Variants in PLEKHA7 observed in about 807,000 individuals in gnomAD.
PLEKHA7 encodes the protein pleckstrin homology domain containing A7, also known as pleckstrin homology domain-containing family A member 7.
PLEKHA7 carries 104 observed loss-of-function variants against 170.0 expected under a neutral mutation model. That is an observed-to-expected ratio of 0.61 (90% CI 0.52 to 0.72). The LOEUF (loss-of-function observed/expected upper bound fraction) is 0.72, where lower values mean the gene tolerates loss of function less well. Ranked by LOEUF, PLEKHA7 falls within the 30% of genes least tolerant of loss-of-function variation. The pLI is 0.00. For synonymous variants in PLEKHA7, 648 were observed against 660.8 expected, an observed-to-expected ratio of 0.98 and a Z score of 0.30; for missense variants, 1,615 against 1,671.7, an observed-to-expected ratio of 0.97 and a Z score of 0.59.
rs1848764358 is a variant in PLEKHA7, at chr11:16,777,631, AAT to A, written c.*1365_*1366del. The A allele has an allele frequency of 6.6e-6, 1 of 152,244 alleles. No individual in the cohort carries two copies. The highest frequency in any genetic ancestry group is 1.5e-5 in the Non-Finnish European group (1 of 68,048). The allele number at this position is 152,244 out of a possible 1,614,324, so 9.4% of individuals were successfully genotyped here. On this transcript the variant is annotated 3_prime_UTR_variant, in exon 27 of 27. Coordinates refer to ENST00000531066, the MANE Select transcript of PLEKHA7 (RefSeq NM_001329630.2). The stretch of plus-strand genomic sequence containing the variant: ...AAACGTCATTGTTTATATGCAGAAT[AAT>A]ATAAGAAAACAACTTAAATAAAGGG...
chr11:16,959,136 C>T (rs868380541), intron 3 of PLEKHA7, among the ~76,000 whole-genome samples: 24 of 152,192 alleles, frequency 1.6e-4, no homozygotes, highest in Middle Eastern at 3.4e-3. Context: ...GTGTTACATA[C>T]GTAAACACAT....
At chr11:16,936,176 C>T (rs1057113319) in intron 3 of PLEKHA7, among the ~76,000 whole-genome samples, 2 of 151,706 alleles carry the variant, frequency 1.3e-5, no homozygotes, top group East Asian at 1.9e-4. Context: ...CCGAGGTGGG[C>T]GGATCACAGG....
intron 8 of PLEKHA7, among the ~76,000 whole-genome samples, chr11:16,847,842 CAAAAAAAAAAA>C (rs35191685): frequency 4.9e-5 from 5 of 101,466 alleles, no homozygotes; most frequent in African/African-American, 1.8e-4. Context: ...AATTCTGTCT[CAAAAAAAAAAA>C]AAAAAAAAAA....
chr11:16,805,700 G>A (rs1848922247), intron 13 of PLEKHA7, among the ~76,000 whole-genome samples: 1 of 149,072 alleles, frequency 6.7e-6, no homozygotes, highest in Non-Finnish European at 1.5e-5. Flanking sequence ...TGAGGCAGGA[G>A]AATCTCTTGA....
rs1848737640 is a variant in PLEKHA7, at chr11:16,803,419, T to C, written c.2008-124A>G. Reference sequence around the variant, plus strand: ...GGCAGTGGCAGGTAGGGTCATAGTATGAGAGGGACAAAAACTTGGGCCATA... The same window carrying C: ...GGCAGTGGCAGGTAGGGTCATAGTACGAGAGGGACAAAAACTTGGGCCATA... On this transcript the variant is annotated intron_variant, in intron 13 of 26. Transcript: ENST00000531066. 3.1e-6 allele frequency: 3 copies of C among 975,532 alleles called. No individual in the cohort carries two copies. The African/African-American group carries it at 4.9e-5, about 16-fold the overall frequency. 60.4% of individuals were successfully genotyped at this position (975,532 alleles called of 1,614,324 possible). A position where few individuals can be genotyped will look rare whatever the true frequency, so the allele number is the denominator to read the frequency against.
At chr11:16,909,353 A>T (rs1019702383) in intron 3 of PLEKHA7, among the ~76,000 whole-genome samples, 23 of 152,216 alleles carry the variant, frequency 1.5e-4, no homozygotes, top group African/African-American at 5.3e-4. Flanking sequence ...TCCCCTCAAG[A>T]TATTCCAAAA....
At chr11:16,788,982 G>A in intron 23 of PLEKHA7, 114 bp downstream of exon 23, 1 of 1,316,540 alleles carries the variant, frequency 7.6e-7, no homozygotes, top group East Asian at 2.5e-5. Context: ...TCTGAACCAT[G>A]TAGGTCAATG....
intron 3 of PLEKHA7, among the ~76,000 whole-genome samples, chr11:17,005,718 G>T (rs530655094): frequency 2.0e-4 from 31 of 152,124 alleles, no homozygotes; most frequent in African/African-American, 7.2e-4. Flanking sequence ...TCTTAAAGAC[G>T]TTTCCTTAAA....
intron 3 of PLEKHA7, among the ~76,000 whole-genome samples, chr11:16,910,359 T>C (rs944245866): frequency 6.6e-6 from 1 of 152,254 alleles, no homozygotes; most frequent in African/African-American, 2.4e-5. Context: ...GTCAGTGATC[T>C]TTCCAAGCTT....
chr11:16,895,621 C>G (rs886866493), intron 3 of PLEKHA7, among the ~76,000 whole-genome samples: 1 of 152,190 alleles, frequency 6.6e-6, no homozygotes, highest in Admixed American at 6.5e-5. Flanking sequence ...CCTCAAGTGT[C>G]TATTAATCAG....
chr11:16,889,021 C>T (rs1053944493), intron 3 of PLEKHA7, among the ~76,000 whole-genome samples: 29 of 151,146 alleles, frequency 1.9e-4, no homozygotes, highest in African/African-American at 5.3e-4. Flanking sequence ...CCCCTGTGAC[C>T]TGCACATATA....
At chr11:16,974,198 T>C (rs1007354505) in intron 3 of PLEKHA7, among the ~76,000 whole-genome samples, 1 of 150,986 alleles carries the variant, frequency 6.6e-6, no homozygotes, top group Non-Finnish European at 1.5e-5. Flanking sequence ...CCCAGGGAGG[T>C]CGAGGCTGCA....
intron 3 of PLEKHA7, among the ~76,000 whole-genome samples, chr11:16,974,084 A>T (rs1862895835): frequency 1.3e-5 from 2 of 152,200 alleles, no homozygotes; most frequent in Admixed American, 6.5e-5. Context: ...AAGAAAATTT[A>T]AGACTCACTT....
chr11:16,813,056 G>C (rs895208617), intron 13 of PLEKHA7, 57 bp downstream of exon 13: 1 of 1,509,080 alleles, frequency 6.6e-7, no homozygotes, highest in African/African-American at 1.4e-5. Flanking sequence ...CTCCAGTGAG[G>C]TGACACTCTC....
chr11:16,798,232 C>T (rs939091360), intron 17 of PLEKHA7, among the ~76,000 whole-genome samples: 1 of 152,242 alleles, frequency 6.6e-6, no homozygotes, highest in Non-Finnish European at 1.5e-5. Context: ...AACAGCCTGC[C>T]TGGCCTAGAA....
At chr11:16,822,042 C>A (rs1442316531) in intron 10 of PLEKHA7, among the ~76,000 whole-genome samples, 2 of 151,766 alleles carry the variant, frequency 1.3e-5, no homozygotes, top group Non-Finnish European at 2.9e-5. Context: ...CCTCCCCACC[C>A]ACCTCTCATT....
intron 15 of PLEKHA7, 24 bp from the exon 16 acceptor site, chr11:16,801,841 C>T (rs772127753): frequency 1.9e-6 from 3 of 1,613,490 alleles, no homozygotes; most frequent in Non-Finnish European, 2.5e-6. Flanking sequence ...GGCCAAAAAA[C>T]AGCAGGATAG....
chr11:16,906,435 C>T (rs926185529), intron 3 of PLEKHA7, among the ~76,000 whole-genome samples: 7 of 144,042 alleles, frequency 4.9e-5, no homozygotes, highest in Admixed American at 4.8e-4. Flanking sequence ...ATTCTCCTGC[C>T]TCAGCCTGCC....
At chr11:16,858,227 A>T (rs1054411530) in intron 4 of PLEKHA7, among the ~76,000 whole-genome samples, 3 of 143,894 alleles carry the variant, frequency 2.1e-5, no homozygotes, top group African/African-American at 8.3e-5. Flanking sequence ...GTGGGGAGAA[A>T]AAGGGTGTTT....
Sources: allele counts gnomAD v4.1 joint callset (sites outside exome capture counted in the v4.1 genomes callset), GRCh38; gene constraint gnomAD v4.1.1; transcripts MANE v1.5; gene names NCBI Gene and HGNC (gene_info 2026-07-23, HGNC 2026-07-21).